The following AKAP6 variants were observed in gnomAD, a reference collection of about 807,000 sequenced individuals.
AKAP6 encodes A-kinase anchor protein 6.
In AKAP6, 58 loss-of-function variants were observed where a neutral mutation model predicts 188.5. The observed-to-expected ratio is 0.31, with a 90% confidence interval of 0.25 to 0.38. The LOEUF is 0.38. Among genes scored for constraint, AKAP6 ranks in the 10% least tolerant of loss-of-function variants. The pLI is 1.00. For missense variants in AKAP6, 2,710 were observed against 2,740.0 expected, an observed-to-expected ratio of 0.99 and a Z score of 0.24; for synonymous variants, 989 against 998.6, an observed-to-expected ratio of 0.99 and a Z score of 0.18.
At chr14:32,496,736 C>T (rs762413819) in intron 2 of AKAP6, among the ~76,000 whole-genome samples, 7 of 152,044 alleles carry the variant, frequency 4.6e-5, no homozygotes, top group Non-Finnish European at 7.4e-5. Flanking sequence ...CAATATTTGA[C>T]AATTTTTGAC....
intron 9 of AKAP6, among the ~76,000 whole-genome samples, chr14:32,702,820 G>C (rs565514304): frequency 6.6e-6 from 1 of 152,240 alleles, no homozygotes; most frequent in South Asian, 2.1e-4. Flanking sequence ...CAGCCCTGTC[G>C]TACTCTTTGC....
chr14:32,459,879 C>A (rs1891266182), intron 2 of AKAP6, among the ~76,000 whole-genome samples: 1 of 151,630 alleles, frequency 6.6e-6, no homozygotes, highest in South Asian at 2.1e-4. Context: ...ACATATTTTT[C>A]CCATAAATAG....
At chr14:32,418,833 T>C (rs191369342) in intron 1 of AKAP6, among the ~76,000 whole-genome samples, 23 of 152,286 alleles carry the variant, frequency 1.5e-4, no homozygotes, top group Middle Eastern at 3.4e-3. Flanking sequence ...ATTGAGCTGG[T>C]TTGTGTCCCA....
intron 7 of AKAP6, among the ~76,000 whole-genome samples, chr14:32,626,537 C>T (rs1887032696): frequency 6.6e-6 from 1 of 152,036 alleles, no homozygotes; most frequent in Admixed American, 6.6e-5. Flanking sequence ...GCTCATTGGC[C>T]CTTAGTTCTA....
intron 11 of AKAP6, among the ~76,000 whole-genome samples, chr14:32,736,189 CT>C (rs2031413363): frequency 6.6e-6 from 1 of 152,080 alleles, no homozygotes; most frequent in Admixed American, 6.5e-5. Context: ...TTACTAAGGC[CT>C]TTGAAGGACA....
Position 32,732,520 on chromosome 14 carries a change from T to C in AKAP6, c.3067T>C (p.Leu1023=). The part of the protein sequence containing the change: ...KTELLSKVEA[L]KKGGVLLPND... ...GGAGCTGCTTAGTAAGGTTGAAGCT[T>C]TGAAGAAAGGTGGCGTTTTACTACC... Residue 1023 remains leucine (L), a synonymous_variant, in exon 10 of 14, where the codon TTG becomes CTG. Transcript: ENST00000280979. The C allele has an allele frequency of 6.2e-7, 1 of 1,613,568 alleles. No individual in the cohort carries two copies. The highest frequency in any genetic ancestry group is 8.5e-7 in the Non-Finnish European group (1 of 1,179,666).
At chr14:32,478,308 C>A (rs1796616964) in intron 2 of AKAP6, among the ~76,000 whole-genome samples, 1 of 152,132 alleles carries the variant, frequency 6.6e-6, no homozygotes, top group Admixed American at 6.6e-5. Flanking sequence ...AGACATCATG[C>A]CCAGATCTGT....
At chr14:32,398,083 C>T (rs1888937961) in intron 1 of AKAP6, among the ~76,000 whole-genome samples, 1 of 152,212 alleles carries the variant, frequency 6.6e-6, no homozygotes, top group African/African-American at 2.4e-5. Context: ...GATAAATAAA[C>T]TATCACTCTG....
intron 2 of AKAP6, among the ~76,000 whole-genome samples, chr14:32,510,411 T>C (rs1881144258): frequency 1.0e-5 from 1 of 97,126 alleles, no homozygotes; most frequent in Non-Finnish European, 2.1e-5. Flanking sequence ...TATGTATATA[T>C]ATGTATATAT....
chr14:32,493,624 TGTCACCTCAGGGCTGCTG>T (rs1447610751), intron 2 of AKAP6, among the ~76,000 whole-genome samples: 3 of 152,200 alleles, frequency 2.0e-5, no homozygotes, highest in Non-Finnish European at 2.9e-5. Context: ...ACATCCATTA[TGTCACCTCAGGGCTGCTG>T]GTCACTCTGA....
chr14:32,604,252 G>A (rs1886048162), intron 7 of AKAP6, among the ~76,000 whole-genome samples: 1 of 152,074 alleles, frequency 6.6e-6, no homozygotes, highest in African/African-American at 2.4e-5. Context: ...ACAAGGAGAG[G>A]CTTTTGTAGG....
At chr14:32,693,447 A>G (rs942106692) in intron 8 of AKAP6, 1 of 152,198 alleles carries the variant, frequency 6.6e-6, no homozygotes, top group Non-Finnish European at 1.5e-5. Context: ...GAATGAGAGA[A>G]CAACAGAGCA....
intron 2 of AKAP6, among the ~76,000 whole-genome samples, chr14:32,462,916 A>AAAAAAAAAAAAAAAAAAAAC (rs1891389540): frequency 3.2e-5 from 3 of 93,810 alleles, no homozygotes; most frequent in African/African-American, 7.0e-5. Context: ...AAAAAAAAAA[A>AAAAAAAAAAAAAAAAAAAAC]AAAAAAAAAA....
intron 2 of AKAP6, among the ~76,000 whole-genome samples, chr14:32,529,716 A>G (rs555485584): frequency 2.0e-5 from 3 of 152,320 alleles, no homozygotes; most frequent in African/African-American, 7.2e-5. Context: ...AGGGAAATCT[A>G]TCACTCTGTT....
intron 2 of AKAP6, among the ~76,000 whole-genome samples, chr14:32,436,945 T>C (rs138184586): frequency 6.6e-6 from 1 of 152,240 alleles, no homozygotes; most frequent in African/African-American, 2.4e-5. Context: ...AAGTAATAAA[T>C]ATGTAAATGA....
intron 1 of AKAP6, among the ~76,000 whole-genome samples, chr14:32,378,497 T>C (rs188683999): frequency 6.6e-6 from 1 of 152,338 alleles, no homozygotes; most frequent in East Asian, 1.9e-4. Context: ...AAGCTTCCTT[T>C]GAAGTCAGTG....
At chr14:32,637,212 A>T (rs1007414832) in intron 7 of AKAP6, among the ~76,000 whole-genome samples, 1 of 152,134 alleles carries the variant, frequency 6.6e-6, no homozygotes, top group Non-Finnish European at 1.5e-5. Flanking sequence ...TTAGCTTATG[A>T]TATGTCATAA....
chr14:32,588,139 G>T (rs1437936476), intron 5 of AKAP6, among the ~76,000 whole-genome samples: 4 of 152,092 alleles, frequency 2.6e-5, no homozygotes, highest in Non-Finnish European at 4.4e-5. Context: ...ATACATTTTT[G>T]AACCTTTTTA....
intron 9 of AKAP6, among the ~76,000 whole-genome samples, chr14:32,716,838 G>T (rs2030236330): frequency 6.6e-6 from 1 of 151,822 alleles, no homozygotes. Flanking sequence ...TTGCAGTCTT[G>T]CTTTCACATC....
Sources: allele counts gnomAD v4.1 joint callset (sites outside exome capture counted in the v4.1 genomes callset), GRCh38; gene constraint gnomAD v4.1.1; transcripts MANE v1.5; gene names NCBI Gene and HGNC (gene_info 2026-07-23, HGNC 2026-07-21).